Variants in CDH18 observed in about 807,000 individuals in gnomAD.
CDH18 encodes the protein cadherin-18.
Under a neutral mutation model 67.9 loss-of-function variants are expected in CDH18, and 31 were observed. The observed-to-expected ratio is 0.46, with a 90% confidence interval of 0.34 to 0.62. The LOEUF is 0.62. CDH18 is among the 20% of genes least tolerant of loss of function. The pLI is 0.01. For missense variants in CDH18, 890 were observed against 975.5 expected (o/e 0.91, Z 1.17); for synonymous variants, 362 against 347.2 (o/e 1.04, Z -0.48).
intron 2 of CDH18, among the ~76,000 whole-genome samples, chr5:19,922,045 A>G (rs546552790): frequency 6.6e-6 from 1 of 152,286 alleles, no homozygotes; most frequent in South Asian, 2.1e-4. Flanking sequence ...CATTTCTGAG[A>G]ATGTGAAGGT....
At chr5:20,224,300 C>G (rs575054673) in intron 2 of CDH18, among the ~76,000 whole-genome samples, 1 of 152,056 alleles carries the variant, frequency 6.6e-6, no homozygotes, top group Admixed American at 6.6e-5. Context: ...AATAGAAAAC[C>G]CTAGGGTTAT....
chr5:20,098,678 T>A (rs1269617471), intron 2 of CDH18, among the ~76,000 whole-genome samples: 1 of 152,098 alleles, frequency 6.6e-6, no homozygotes, highest in East Asian at 1.9e-4. Context: ...TCAGGAAAAC[T>A]TCAAAGAATA....
chr5:20,333,844 A>G (rs1372065406), intron 1 of CDH18, among the ~76,000 whole-genome samples: 4 of 151,956 alleles, frequency 2.6e-5, no homozygotes, highest in Non-Finnish European at 5.9e-5. Context: ...TAAAACTTAT[A>G]GATGTAAATA....
At chr5:20,240,833 G>GA (rs919412900) in intron 2 of CDH18, among the ~76,000 whole-genome samples, 3 of 151,418 alleles carry the variant, frequency 2.0e-5, no homozygotes, top group Middle Eastern at 3.4e-3. Context: ...ATTTGGGTGG[G>GA]AAAAAAAAGA....
At chr5:20,539,615 A>T (rs1467325699) in intron 1 of CDH18, among the ~76,000 whole-genome samples, 2 of 152,164 alleles carry the variant, frequency 1.3e-5, no homozygotes, top group South Asian at 2.1e-4. Flanking sequence ...ACATTTTTTT[A>T]AAAAGTCTAG....
intron 5 of CDH18, among the ~76,000 whole-genome samples, chr5:19,677,541 G>T (rs1455435145): frequency 6.6e-6 from 1 of 151,976 alleles, no homozygotes; most frequent in African/African-American, 2.4e-5. Flanking sequence ...CACAACGGCA[G>T]TATCAAAGCC....
intron 1 of CDH18, among the ~76,000 whole-genome samples, chr5:20,303,582 G>C (rs910637651): frequency 6.6e-6 from 1 of 152,046 alleles, no homozygotes; most frequent in Non-Finnish European, 1.5e-5. Context: ...CGGTTCATTT[G>C]GTAACAACAA....
At chr5:19,919,304 T>G (rs906364713) in intron 2 of CDH18, among the ~76,000 whole-genome samples, 3 of 152,160 alleles carry the variant, frequency 2.0e-5, no homozygotes, top group Admixed American at 2.0e-4. Context: ...TAGGTCAACA[T>G]CAATTAAATA....
intron 3 of CDH18, among the ~76,000 whole-genome samples, chr5:19,828,290 A>G (rs141279686): frequency 1.3e-5 from 2 of 152,282 alleles, no homozygotes; most frequent in African/African-American, 4.8e-5. Flanking sequence ...AAAGATGTAT[A>G]AGGAAGAGTT....
chr5:20,453,144 T>A (rs1750589152), intron 1 of CDH18, among the ~76,000 whole-genome samples: 1 of 152,174 alleles, frequency 6.6e-6, no homozygotes, highest in African/African-American at 2.4e-5. Context: ...CTGGTACTCA[T>A]GACTATACCA....
At chr5:20,224,228 T>A (rs770943842) in intron 2 of CDH18, among the ~76,000 whole-genome samples, 2 of 152,126 alleles carry the variant, frequency 1.3e-5, no homozygotes, top group Non-Finnish European at 2.9e-5. Context: ...TCTAGAAATA[T>A]AGGTCAAGTA....
intron 1 of CDH18, among the ~76,000 whole-genome samples, chr5:20,416,773 G>T (rs548680935): frequency 2.0e-5 from 3 of 152,110 alleles, no homozygotes; most frequent in African/African-American, 7.2e-5. Flanking sequence ...GATATGAAGT[G>T]GTATGATAAG....
At chr5:20,005,321 C>G (rs1009846677) in intron 2 of CDH18, among the ~76,000 whole-genome samples, 18 of 151,452 alleles carry the variant, frequency 1.2e-4, no homozygotes, top group African/African-American at 3.9e-4. Context: ...CCATATTATC[C>G]AATCAAAAAT....
intron 1 of CDH18, among the ~76,000 whole-genome samples, chr5:20,340,130 T>C (rs1415818878): frequency 6.6e-6 from 1 of 152,074 alleles, no homozygotes; most frequent in African/African-American, 2.4e-5. Context: ...AGAAACCAGA[T>C]GAAAATCCTT....
intron 3 of CDH18, among the ~76,000 whole-genome samples, chr5:19,754,670 A>G (rs1409246419): frequency 6.6e-6 from 1 of 152,190 alleles, no homozygotes; most frequent in Non-Finnish European, 1.5e-5. Context: ...GACTTAACAG[A>G]TAAATGCAGA....
intron 6 of CDH18, among the ~76,000 whole-genome samples, chr5:19,598,315 C>G (rs1746495557): frequency 6.6e-6 from 1 of 152,050 alleles, no homozygotes; most frequent in East Asian, 1.9e-4. Context: ...TTATGGCTCC[C>G]AAATGAATAG....
At chr5:19,713,866 T>C (rs933187933) in intron 5 of CDH18, among the ~76,000 whole-genome samples, 1 of 152,120 alleles carries the variant, frequency 6.6e-6, no homozygotes, top group African/African-American at 2.4e-5. Flanking sequence ...GAGAGAGCAG[T>C]GTGCTCTCTC....
intron 2 of CDH18, among the ~76,000 whole-genome samples, chr5:20,172,198 A>ACG (rs1554098671): frequency 2.4e-4 from 11 of 46,486 alleles, no homozygotes; most frequent in Non-Finnish European, 3.9e-4. Context: ...GTGTATATAT[A>ACG]TATATATATA....
chr5:19,837,139 C>A (rs542302457), intron 3 of CDH18, among the ~76,000 whole-genome samples: 1 of 152,082 alleles, frequency 6.6e-6, no homozygotes, highest in Admixed American at 6.6e-5. Context: ...AACCATCATT[C>A]GCAGCAAACT....
Sources: gnomAD v4.1 joint callset for allele counts (sites outside exome capture counted in the v4.1 genomes callset) on GRCh38, gnomAD v4.1.1 for gene constraint, MANE v1.5 for transcripts, NCBI Gene and HGNC (gene_info 2026-07-23, HGNC 2026-07-21) for gene names.